The following PDK1 variants were observed in gnomAD, a reference collection of about 807,000 sequenced individuals.
PDK1 encodes the protein [Pyruvate dehydrogenase (acetyl-transferring)] kinase isozyme 1, mitochondrial.
PDK1 carries 39 observed loss-of-function variants against 54.2 expected under a neutral mutation model. That is an observed-to-expected ratio of 0.72 (90% CI 0.56 to 0.94). PDK1 has a LOEUF of 0.94. Among genes scored for constraint, PDK1 ranks in the 40% least tolerant of loss-of-function variants. PDK1 has a pLI of 0.00. For synonymous variants in PDK1, 221 were observed against 207.1 expected, an observed-to-expected ratio of 1.07 and a Z score of -0.58; for missense variants, 552 against 566.0, an observed-to-expected ratio of 0.98 and a Z score of 0.25.
At chr2:172,595,301 C>T (rs1277740132) in intron 10 of PDK1, among the ~76,000 whole-genome samples, 1 of 152,096 alleles carries the variant, frequency 6.6e-6, no homozygotes, top group African/African-American at 2.4e-5. Flanking sequence ...AACTCCTGAG[C>T]TCAAGCAATC....
At chr2:172,719,650 A>G in the PDK1 span, among the ~76,000 whole-genome samples, 1 of 151,610 alleles carries the variant, frequency 6.6e-6, no homozygotes, top group African/African-American at 2.4e-5. Context: ...TTTCCAATAT[A>G]TGTTTCCAAT....
At chr2:172,611,786 G>T (rs1157311048), downstream of PDK1, among the ~76,000 whole-genome samples, 1 of 152,200 alleles carries the variant, frequency 6.6e-6, no homozygotes, top group Admixed American at 6.5e-5. Flanking sequence ...CTGAAGAAGA[G>T]AAATCATATG....
At chr2:172,659,785 A>G in the PDK1 span, among the ~76,000 whole-genome samples, 5 of 152,168 alleles carry the variant, frequency 3.3e-5, no homozygotes, top group African/African-American at 1.2e-4. Flanking sequence ...AACGTCTCCT[A>G]CCCCAAGCCC....
chr2:172,640,025 A>G, the PDK1 span, among the ~76,000 whole-genome samples: 182 of 152,368 alleles, frequency 1.2e-3, 2 homozygotes, highest in African/African-American at 3.6e-3. Context: ...GTGGAAGGTG[A>G]AACAAATGTG....
the PDK1 span, among the ~76,000 whole-genome samples, chr2:172,687,598 C>G: frequency 6.6e-6 from 1 of 152,194 alleles, no homozygotes; most frequent in Admixed American, 6.5e-5. Context: ...GCTATCACCT[C>G]ATCAAGGCAT....
chr2:172,633,284 G>A, the PDK1 span, among the ~76,000 whole-genome samples: 1 of 151,416 alleles, frequency 6.6e-6, no homozygotes, highest in Non-Finnish European at 1.5e-5. Context: ...CTGGTCTCAA[G>A]TGATCCTCCT....
At chr2:172,570,533 G>A (rs897953513) in intron 7 of PDK1, 193 bp from the exon 8 acceptor site, 2 of 438,174 alleles carry the variant, frequency 4.6e-6, no homozygotes, top group East Asian at 3.4e-5. Flanking sequence ...GAGTCTTTAG[G>A]TCAGAATATC....
chr2:172,623,070 A>G, the PDK1 span, among the ~76,000 whole-genome samples: 6 of 151,768 alleles, frequency 4.0e-5, no homozygotes, highest in Non-Finnish European at 7.4e-5. Context: ...GAATTGCTTG[A>G]ACCCAGGAGG....
At chr2:172,719,448 T>G in the PDK1 span, among the ~76,000 whole-genome samples, 1 of 152,230 alleles carries the variant, frequency 6.6e-6, no homozygotes, top group African/African-American at 2.4e-5. Flanking sequence ...ATGGTTCCAG[T>G]GCTCCACATC....
the PDK1 span, among the ~76,000 whole-genome samples, chr2:172,712,196 A>G: frequency 2.0e-5 from 3 of 152,214 alleles, no homozygotes; most frequent in Non-Finnish European, 4.4e-5. Context: ...TAACAAATAT[A>G]AAAAGAACAA....
chr2:172,625,153 G>A, the PDK1 span, among the ~76,000 whole-genome samples: 1 of 152,302 alleles, frequency 6.6e-6, no homozygotes, highest in South Asian at 2.1e-4. Context: ...ATAAACATTT[G>A]TTGTGCTAAG....
the PDK1 span, chr2:172,724,294 G>GCTCTTTTTTTGAAATATA: frequency 1.7e-5 from 2 of 115,888 alleles, no homozygotes; most frequent in African/African-American, 7.2e-5. Context: ...TAATAAAAGT[G>GCTCTTTTTTTGAAATATA]AGTCATTTCA....
At chr2:172,583,732 A>G (rs1451857881) in intron 8 of PDK1, among the ~76,000 whole-genome samples, 1 of 152,174 alleles carries the variant, frequency 6.6e-6, no homozygotes, top group East Asian at 1.9e-4. Context: ...CTACATAATT[A>G]CCATTATAAA....
intron 8 of PDK1, among the ~76,000 whole-genome samples, chr2:172,584,348 T>C (rs1039315647): frequency 1.3e-5 from 2 of 151,732 alleles, no homozygotes; most frequent in African/African-American, 4.8e-5. Context: ...TTTTGCAGAG[T>C]ATTATAAATG....
chr2:172,703,740 CT>C, the PDK1 span, among the ~76,000 whole-genome samples: 1 of 136,488 alleles, frequency 7.3e-6, no homozygotes, highest in African/African-American at 2.8e-5. Context: ...TTTCTTTTTC[CT>C]TTTTTTCTTT....
At chr2:172,612,554 T>A (rs1389753219), downstream of PDK1, among the ~76,000 whole-genome samples, 1 of 152,304 alleles carries the variant, frequency 6.6e-6, no homozygotes, top group East Asian at 1.9e-4. Flanking sequence ...TGTGTTCTCT[T>A]AAGTCCAGTC....
At position 172,556,252 on chromosome 2, in the gene PDK1, C is replaced by T. The variant is rs2149169419; in HGVS notation, c.102C>T (p.Ser34=). 6.8e-7 allele frequency: 1 copy of T among 1,474,588 alleles called. No individual in the cohort carries two copies. Among genetic ancestry groups the T allele is most frequent in the African/African-American group, 1.5e-5 (1 of 67,828 alleles). 91.3% of individuals were successfully genotyped at this position (1,474,588 alleles called of 1,614,324 possible). A position where few individuals can be genotyped will look rare whatever the true frequency, so the allele number is the denominator to read the frequency against. The change falls in exon 1 of 11, where the codon TCC becomes TCT. Residue 34 remains serine (S), a synonymous_variant. Transcript: ENST00000282077. ...GCAGCTTCAGCTCGGACTCGGGCTCCAGCCCGGCGTCCGAGCGCGGCGTTC... is the reference window on the plus strand; with the variant it reads ...GCAGCTTCAGCTCGGACTCGGGCTCTAGCCCGGCGTCCGAGCGCGGCGTTC... ...FSRSFSSDSG[S]SPASERGVPG...
At chr2:172,690,359 A>G in the PDK1 span, among the ~76,000 whole-genome samples, 1 of 150,256 alleles carries the variant, frequency 6.7e-6, no homozygotes, top group Admixed American at 6.8e-5. Flanking sequence ...CAACAGATGC[A>G]GGAGAGAATG....
chr2:172,661,736 T>C, the PDK1 span, among the ~76,000 whole-genome samples: 14 of 152,216 alleles, frequency 9.2e-5, no homozygotes, highest in African/African-American at 3.4e-4. Flanking sequence ...TAACTTGTAA[T>C]TGGGAGCTAG....
Sources: allele counts gnomAD v4.1 joint callset (sites outside exome capture counted in the v4.1 genomes callset), GRCh38; gene constraint gnomAD v4.1.1; transcripts MANE v1.5; gene names NCBI Gene and HGNC (gene_info 2026-07-23, HGNC 2026-07-21).